Variants in KCNQ1OT1 observed in about 807,000 individuals in gnomAD.
KCNQ1OT1 encodes KCNQ1 antisense RNA 2 (non-protein coding).
At position 2,683,190 on chromosome 11, in the gene KCNQ1OT1, T is replaced by A. The variant is rs1215871739; in HGVS notation, n.16805A>T. 2.5e-6 allele frequency: 1 copy of A among 398,520 alleles called. No homozygotes were observed. The highest frequency in any genetic ancestry group is 4.4e-6 in the Non-Finnish European group (1 of 226,094). The allele number at this position is 398,520 out of a possible 1,614,324, so 24.7% of individuals were successfully genotyped here. A position where few individuals can be genotyped will look rare whatever the true frequency, so the allele number is the denominator to read the frequency against. On this transcript the variant is annotated non_coding_transcript_exon_variant, in exon 1 of 1. Coordinates refer to ENST00000597346, the Ensembl canonical transcript of KCNQ1OT1. The surrounding 1 kb of genome is among the most constrained non-coding windows in gnomAD (Gnocchi z 4.7). ...AGCATCTGCATTAAAAGGCTCCCAC[T>A]GACAGCTCATGCATTGTGATGGAAC... is the stretch of plus-strand genomic sequence containing the variant.
chr11:2,628,701 A>G (rs1308366046), exon 1 of KCNQ1OT1: 1 of 398,288 alleles, frequency 2.5e-6, no homozygotes, highest in Non-Finnish European at 4.4e-6. Flanking sequence ...CATCTAAAAA[A>G]TTGTCACAAA....
Position 2,674,396 on chromosome 11 carries a change from C to CGTGTGT in KCNQ1OT1, n.25593_25598dup. ...CCTGCTTAGGGAAGGTGCATGCGTG[C>CGTGTGT]GTGTGTGTGTGCGCGCCCGCGCGCA... On this transcript the variant is annotated non_coding_transcript_exon_variant, in exon 1 of 1. Transcript: ENST00000597346. This position sits in a 1 kb window ranked among gnomAD's most constrained non-coding sequence, Gnocchi z 5.9. 2.0e-5 allele frequency: 3 copies of CGTGTGT among 148,450 alleles called. No homozygotes were observed. Among genetic ancestry groups the CGTGTGT allele is most frequent in the Non-Finnish European group, 2.9e-5 (2 of 68,276 alleles). The allele number at this position is 148,450 out of a possible 1,614,324, so 9.2% of individuals were successfully genotyped here.
rs77453919 is a variant in KCNQ1OT1, at chr11:2,624,329, G to A, written n.75666C>T. On this transcript the variant is annotated non_coding_transcript_exon_variant, in exon 1 of 1. Transcript: ENST00000597346. This position sits in a 1 kb window ranked among gnomAD's most constrained non-coding sequence, Gnocchi z 4.9. ...ATATTTTGGATGAGTCCTTTATCAGGTATATCTTTTACAAGTATTGTCTCC... is the reference window on the plus strand; with the variant it reads ...ATATTTTGGATGAGTCCTTTATCAGATATATCTTTTACAAGTATTGTCTCC... 2.7e-3 allele frequency: 1,079 copies of A among 398,448 alleles called. 6 individuals are homozygous for A. The highest frequency in any genetic ancestry group is 0.019 in the African/African-American group (945 of 48,708). The allele number at this position is 398,448 out of a possible 1,614,324, so 24.7% of individuals were successfully genotyped here. A position where few individuals can be genotyped will look rare whatever the true frequency, so the allele number is the denominator to read the frequency against.
chr11:2,611,882 T>C lies in KCNQ1OT1; in HGVS notation n.88113A>G, dbSNP rs1848984153. On this transcript the variant is annotated non_coding_transcript_exon_variant, in exon 1 of 1. Transcript: ENST00000597346. The surrounding 1 kb of genome is among the most constrained non-coding windows in gnomAD (Gnocchi z 5.3). ...TAGTTTATTTCCCCCATTTTTAAAG[T>C]GTAATCTGGAGGTTACAATAAGCAG... is the stretch of plus-strand genomic sequence containing the variant. The C allele has an allele frequency of 1.3e-5, 5 of 398,526 alleles. No homozygotes were observed. In the South Asian group the frequency reaches 3.8e-4, roughly 30 times the overall value. The allele number at this position is 398,526 out of a possible 1,614,324, so 24.7% of individuals were successfully genotyped here. A position where few individuals can be genotyped will look rare whatever the true frequency, so the allele number is the denominator to read the frequency against.
At chr11:2,650,211 G>T in exon 1 of KCNQ1OT1, 1 of 398,172 alleles carries the variant, frequency 2.5e-6, no homozygotes, top group African/African-American at 2.1e-5. Flanking sequence ...TGTTTGTATT[G>T]TCTATTTGTG....
At chr11:2,637,772 T>C (rs1297722992) in exon 1 of KCNQ1OT1, 2 of 152,252 alleles carry the variant, frequency 1.3e-5, no homozygotes, top group African/African-American at 2.4e-5. Context: ...TTGTCTAATG[T>C]TAACAGTGGG....
At chr11:2,694,808 G>A (rs1590037540) in exon 1 of KCNQ1OT1, 1 of 398,540 alleles carries the variant, frequency 2.5e-6, no homozygotes, top group African/African-American at 2.1e-5. Context: ...TCGTCAGCTA[G>A]TGAGTGACTG....
At chr11:2,643,308 T>C (rs1385477656) in exon 1 of KCNQ1OT1, 2 of 398,268 alleles carry the variant, frequency 5.0e-6, no homozygotes, top group Admixed American at 4.4e-5. Flanking sequence ...CCCTTCAGAT[T>C]TGATGTTTGC....
exon 1 of KCNQ1OT1, chr11:2,681,287 C>T (rs1380166670): frequency 2.5e-6 from 1 of 398,502 alleles, no homozygotes; most frequent in African/African-American, 2.1e-5. Flanking sequence ...CCTATACCTT[C>T]CTGTCCTACC....
exon 1 of KCNQ1OT1, chr11:2,622,662 G>A (rs979839075): frequency 5.0e-5 from 20 of 398,330 alleles, no homozygotes; most frequent in African/African-American, 3.7e-4. Flanking sequence ...TTTTCTGATA[G>A]TGTACCATTA....
At chr11:2,689,738 C>A in exon 1 of KCNQ1OT1, 1 of 398,652 alleles carries the variant, frequency 2.5e-6, no homozygotes, top group South Asian at 1.3e-4. Context: ...GAGACTTAGT[C>A]TCATTTGTTT....
At position 2,616,204 on chromosome 11, in the gene KCNQ1OT1, GT is replaced by G. The variant is rs1002332005; in HGVS notation, n.83790del. On this transcript the variant is annotated non_coding_transcript_exon_variant, in exon 1 of 1. Coordinates refer to ENST00000597346, the Ensembl canonical transcript of KCNQ1OT1. ...GATCAGTTATATCGTTCCCACTTTTGTTTTTTTTTCTTATTTTTGTTTTTTT... is the reference window on the plus strand; with the variant it reads ...GATCAGTTATATCGTTCCCACTTTTGTTTTTTTTCTTATTTTTGTTTTTTT... 6.5e-4 allele frequency: 240 copies of G among 371,324 alleles called. 2 individuals carry two copies. In the East Asian group the frequency reaches 7.5e-3, roughly 12 times the overall value. The allele number at this position is 371,324 out of a possible 1,614,324, so 23.0% of individuals were successfully genotyped here.
In KCNQ1OT1 at chr11:2,613,934, T is replaced by C. The variant is rs1289347518; in HGVS notation, n.86061A>G. The C allele has an allele frequency of 2.5e-6, 1 of 398,480 alleles. No individual in the cohort carries two copies. The highest frequency in any genetic ancestry group is 4.4e-5 in the Admixed American group (1 of 22,718). 24.7% of individuals were successfully genotyped at this position (398,480 alleles called of 1,614,324 possible). On this transcript the variant is annotated non_coding_transcript_exon_variant, in exon 1 of 1. Transcript: ENST00000597346. This position sits in a 1 kb window ranked among gnomAD's most constrained non-coding sequence, Gnocchi z 4.8. ...TATTCTGTATATGCCCTTTTGAACT[T>C]TGCTTTTCTCACCTAACAACATCTC...
chr11:2,658,286 T>C lies in KCNQ1OT1; in HGVS notation n.41709A>G. ...TTTTCCTCATTCCTTCTACATTTTT[T>C]ATTTGGAATTCCTTTATAAGGAAGA... On this transcript the variant is annotated non_coding_transcript_exon_variant, in exon 1 of 1. Coordinates refer to ENST00000597346, the Ensembl canonical transcript of KCNQ1OT1. This position sits in a 1 kb window ranked among gnomAD's most constrained non-coding sequence, Gnocchi z 4.9. 2.5e-6 allele frequency: 1 copy of C among 398,610 alleles called. No homozygotes were observed. The highest frequency in any genetic ancestry group is 4.4e-6 in the Non-Finnish European group (1 of 226,060). 24.7% of individuals were successfully genotyped at this position (398,610 alleles called of 1,614,324 possible). A position where few individuals can be genotyped will look rare whatever the true frequency, so the allele number is the denominator to read the frequency against.
At chr11:2,686,532 C>T (rs891909749) in exon 1 of KCNQ1OT1, 1 of 398,696 alleles carries the variant, frequency 2.5e-6, no homozygotes, top group Non-Finnish European at 4.4e-6. Flanking sequence ...GAAATGACAG[C>T]TCCCAGCCCT....
rs962163829 is a variant in KCNQ1OT1 at position 2,612,511 on chromosome 11, A to G, written n.87484T>C. 3.8e-5 allele frequency: 15 copies of G among 398,448 alleles called. No homozygotes were observed. The highest frequency in any genetic ancestry group is 2.5e-4 in the African/African-American group (12 of 48,596). 24.7% of individuals were successfully genotyped at this position (398,448 alleles called of 1,614,324 possible). A position where few individuals can be genotyped will look rare whatever the true frequency, so the allele number is the denominator to read the frequency against. ...AAGTTCATTGATTCTTTCTTCTGCC[A>G]GGTCAAATTTGCTTAGCCGCACTAG... is the stretch of plus-strand genomic sequence containing the variant. On this transcript the variant is annotated non_coding_transcript_exon_variant, in exon 1 of 1. Coordinates refer to ENST00000597346, the Ensembl canonical transcript of KCNQ1OT1. The surrounding 1 kb of genome is among the most constrained non-coding windows in gnomAD (Gnocchi z 5.5).
chr11:2,648,194 G>T, exon 1 of KCNQ1OT1: 1 of 389,264 alleles, frequency 2.6e-6, no homozygotes, highest in South Asian at 1.4e-4. Context: ...GACAGAGTGA[G>T]ACCGTGTCTC....
In KCNQ1OT1 at chr11:2,633,605, G is replaced by C. The variant is rs373003966; in HGVS notation, n.66390C>G. On this transcript the variant is annotated non_coding_transcript_exon_variant, in exon 1 of 1. Coordinates refer to ENST00000597346, the Ensembl canonical transcript of KCNQ1OT1. ...ATATGATATCCTGTTTTCCCAACAT[G>C]ATGTGTTCAACATGGTGTCCTTTCC... is the stretch of plus-strand genomic sequence containing the variant. The C allele has an allele frequency of 1.2e-4, 49 of 398,492 alleles. 1 individual carries two copies. Among genetic ancestry groups the C allele is most frequent in the East Asian group, 6.1e-4 (17 of 28,060 alleles). 24.7% of individuals were successfully genotyped at this position (398,492 alleles called of 1,614,324 possible). A position where few individuals can be genotyped will look rare whatever the true frequency, so the allele number is the denominator to read the frequency against.
rs1427801682 is a variant in KCNQ1OT1, at chr11:2,659,572, G to A, written n.40423C>T. The stretch of plus-strand genomic sequence containing the variant: ...GAGCAGAGTTACTATACACATTTAT[G>A]TACAGGTTTTTGCGAACATAAAAAT... On this transcript the variant is annotated non_coding_transcript_exon_variant, in exon 1 of 1. Transcript: ENST00000597346. This position sits in a 1 kb window ranked among gnomAD's most constrained non-coding sequence, Gnocchi z 4.3. 7.5e-6 allele frequency: 3 copies of A among 398,534 alleles called. No homozygotes were observed. In the East Asian group the frequency reaches 1.1e-4, roughly 14 times the overall value. 24.7% of individuals were successfully genotyped at this position (398,534 alleles called of 1,614,324 possible).
Sources: gnomAD v4.1 joint callset for allele counts on GRCh38, gnomAD v4.1.1 for gene constraint, Gnocchi (gnomAD v3.1) non-coding constraint, MANE v1.5 for transcripts, NCBI Gene and HGNC (gene_info 2026-07-23, HGNC 2026-07-21) for gene names.